Variants in MINAR1 observed in about 807,000 individuals in gnomAD.
MINAR1 encodes the protein major intrinsically disordered Notch2-binding receptor 1.
A neutral mutation model predicts 65.1 loss-of-function variants in MINAR1; 40 were observed. The observed-to-expected ratio is 0.61, with a 90% CI of 0.48 to 0.80. The LOEUF is 0.80. MINAR1 is among the 30% of genes least tolerant of loss of function. The pLI, the probability that MINAR1 is intolerant of heterozygous loss-of-function variation, is 0.00. For synonymous variants in MINAR1, 482 were observed against 449.1 expected (o/e 1.07, Z -0.93); for missense variants, 1,128 against 1,148.0 (o/e 0.98, Z 0.25).
intron 1 of MINAR1, among the ~76,000 whole-genome samples, chr15:79,455,503 G>T (rs1895382054): frequency 6.6e-6 from 1 of 152,106 alleles, no homozygotes; most frequent in South Asian, 2.1e-4. Flanking sequence ...CCAGGATGTA[G>T]AACAATGATA....
chr15:79,417,486 A>G, the MINAR1 span: 1 of 152,168 alleles, frequency 6.6e-6, no homozygotes, highest in Non-Finnish European at 1.5e-5. Context: ...ATGGCTTGTT[A>G]GTGTCTGACT....
intron 1 of MINAR1, among the ~76,000 whole-genome samples, chr15:79,452,322 GTGTC>G (rs1334630445): frequency 3.3e-5 from 5 of 152,056 alleles, no homozygotes; most frequent in East Asian, 1.9e-4. Context: ...CTGGATGTGT[GTGTC>G]TGGATGAGTG....
At chr15:79,467,935 C>A (rs1010984791) in intron 3 of MINAR1, among the ~76,000 whole-genome samples, 3 of 152,064 alleles carry the variant, frequency 2.0e-5, no homozygotes, top group Non-Finnish European at 4.4e-5. Context: ...AGATAAAAGA[C>A]CCTTGGGTTT....
At chr15:79,413,243 T>G in the MINAR1 span, 1 of 152,152 alleles carries the variant, frequency 6.6e-6, no homozygotes, top group Non-Finnish European at 1.5e-5. Flanking sequence ...TTAAAAGATT[T>G]TTAAAAAAGA....
chr15:79,416,614 AG>A, the MINAR1 span: 1 of 152,198 alleles, frequency 6.6e-6, no homozygotes, highest in Non-Finnish European at 1.5e-5. Context: ...TACAGGGCTG[AG>A]GGGGAAACTC....
the MINAR1 span, chr15:79,412,998 T>C: frequency 6.6e-6 from 1 of 152,008 alleles, no homozygotes; most frequent in African/African-American, 2.4e-5. Flanking sequence ...AGCCAGTCAT[T>C]TGAACTCATC....
rs77031731 is a variant in MINAR1 at position 79,467,990 on chromosome 15, T to C, written c.2554-197T>C. Among the ~76,000 whole-genome samples the C allele has an allele frequency of 4.0e-3, 606 of 152,262 alleles. 2 individuals are homozygous for C. The highest frequency in any genetic ancestry group is 0.014 in the African/African-American group (575 of 41,544). On this transcript the variant is annotated intron_variant, in intron 3 of 3. Transcript: ENST00000305428. Reference sequence around the variant, plus strand: ...TGATATTTTTAGTGAGGGAGGGGCCTATGCAATCTGTGATATGTGGGATGA... The same window carrying C: ...TGATATTTTTAGTGAGGGAGGGGCCCATGCAATCTGTGATATGTGGGATGA...
At chr15:79,411,683 C>T in the MINAR1 span, 26 of 557,022 alleles carry the variant, frequency 4.7e-5, no homozygotes, top group Admixed American at 7.8e-4. Context: ...CACCACAGGC[C>T]TCTGGAATCC....
At position 79,432,359 on chromosome 15, in the gene MINAR1, G is replaced by A. The variant is rs1164072761; in HGVS notation, c.-232G>A. Among the ~76,000 whole-genome samples, 1 of 152,144 alleles carries A rather than the reference G, an allele frequency of 6.6e-6. No individual in the cohort carries two copies. The highest frequency in any genetic ancestry group is 1.5e-5 in the Non-Finnish European group (1 of 67,992). On this transcript the variant is annotated 5_prime_UTR_variant, in exon 1 of 4. Coordinates refer to ENST00000305428, the MANE Select transcript of MINAR1 (RefSeq NM_015206.3). ...GCAGACCTGGACTCGGGCGGCGGAG[G>A]CGAAAGTCGCTCCATCCGCGGGGTG...
At chr15:79,411,559 C>T in the MINAR1 span, 17 of 697,614 alleles carry the variant, frequency 2.4e-5, no homozygotes, top group Middle Eastern at 3.3e-4. Flanking sequence ...ACAGAAGCTA[C>T]GCTGAAGTGG....
chr15:79,441,808 CT>C (rs745740391), intron 1 of MINAR1, among the ~76,000 whole-genome samples: 4 of 151,928 alleles, frequency 2.6e-5, no homozygotes, highest in Non-Finnish European at 4.4e-5. Flanking sequence ...AACCCTTAGT[CT>C]TTAGTACTTT....
intron 2 of MINAR1, among the ~76,000 whole-genome samples, chr15:79,460,611 T>C (rs1011125803): frequency 3.3e-5 from 5 of 152,294 alleles, no homozygotes; most frequent in Admixed American, 3.3e-4. Flanking sequence ...GGGCACATTC[T>C]CACCTTCCAT....
chr15:79,468,122 T>C (rs972811752), intron 3 of MINAR1, 65 bp from the exon 4 acceptor site: 1 of 1,332,838 alleles, frequency 7.5e-7, no homozygotes, highest in African/African-American at 1.4e-5. Context: ...GTGATGACTG[T>C]CGGGACGTCT....
chr15:79,457,223 A>G lies in MINAR1; in HGVS notation c.1076A>G (p.Asn359Ser), dbSNP rs764828315. The change falls in exon 2 of 4, where the codon AAC (asparagine) becomes AGC (serine). Residue 359 changes from asparagine (N) to serine (S), a missense_variant. By Grantham distance (46) the Asn-to-Ser change is conservative (BLOSUM62 1). Transcript: ENST00000305428. ...GCCAGGCGCTGTCTAGGGAAGCCCA[A>G]CAAGCAGACTCCCTGGCCAGCCAAA... ...QEARRCLGKP[N>S]KQTPWPAKSW... The G allele has an allele frequency of 2.5e-6, 4 of 1,614,070 alleles. No individual in the cohort carries two copies. In the East Asian group the frequency reaches 8.9e-5, roughly 36 times the overall value.
chr15:79,436,299 C>T (rs960317321), intron 1 of MINAR1, among the ~76,000 whole-genome samples: 1 of 152,332 alleles, frequency 6.6e-6, no homozygotes, highest in East Asian at 1.9e-4. Flanking sequence ...AAGGCCAGTC[C>T]TTGCTGAGAC....
chr15:79,449,051 A>G (rs1895105952), intron 1 of MINAR1, among the ~76,000 whole-genome samples: 1 of 152,196 alleles, frequency 6.6e-6, no homozygotes, highest in Non-Finnish European at 1.5e-5. Flanking sequence ...GCCACAGGGT[A>G]ATGGGAAAAA....
intron 3 of MINAR1, among the ~76,000 whole-genome samples, chr15:79,466,802 A>G (rs1895876484): frequency 6.6e-6 from 1 of 152,226 alleles, no homozygotes; most frequent in South Asian, 2.1e-4. Flanking sequence ...AGAGACCAGC[A>G]CCAGTAGGAA....
rs1895427640 is a variant in MINAR1, at chr15:79,456,655, G to T, written c.508G>T (p.Val170Phe). ...GGACTGCAAGGACTGCCCACAGTTTGTCCCTGCCTCTGAGCCTAACTTCCT... is the reference window on the plus strand; with the variant it reads ...GGACTGCAAGGACTGCCCACAGTTTTTCCCTGCCTCTGAGCCTAACTTCCT... ...KMDCKDCPQF[V>F]PASEPNFLLG... Residue 170 changes from valine (V) to phenylalanine (F), a missense_variant, in exon 2 of 4, where the codon GTC (valine) becomes TTC (phenylalanine). Physicochemically the swap from Val to Phe is conservative, Grantham distance 50. Coordinates refer to ENST00000305428, the MANE Select transcript of MINAR1 (RefSeq NM_015206.3). 1.2e-6 allele frequency: 2 copies of T among 1,614,178 alleles called. No individual in the cohort carries two copies. Among genetic ancestry groups the T allele is most frequent in the East Asian group, 4.5e-5 (2 of 44,876 alleles).
the MINAR1 span, chr15:79,415,682 G>A: frequency 1.3e-5 from 2 of 152,186 alleles, no homozygotes; most frequent in African/African-American, 4.8e-5. Flanking sequence ...TTCAGGCCAG[G>A]TTCCTTAGGG....
Sources: allele counts gnomAD v4.1 joint callset (sites outside exome capture counted in the v4.1 genomes callset), GRCh38; gene constraint gnomAD v4.1.1; transcripts MANE v1.5; gene names NCBI Gene and HGNC (gene_info 2026-07-23, HGNC 2026-07-21).